TMPRSS11F: variants seen among roughly 807,000 people sequenced by gnomAD.
TMPRSS11F encodes transmembrane serine protease 11F, also known as transmembrane protease serine 11F.
Under a neutral mutation model 60.2 loss-of-function variants are expected in TMPRSS11F, and 47 were observed. That is an observed-to-expected ratio of 0.78 (90% confidence interval 0.62 to 1.00). The LOEUF is 1.00. TMPRSS11F is among the 50% of genes least tolerant of loss of function. TMPRSS11F has a pLI of 0.00. For synonymous variants in TMPRSS11F, 166 were observed against 167.3 expected (o/e 0.99, Z 0.06); for missense variants, 519 against 522.9 (o/e 0.99, Z 0.07).
Position 68,074,067 on chromosome 4 carries a change from AT to A in TMPRSS11F, c.283-59del, listed in dbSNP as rs199843597. The A allele has an allele frequency of 4.9e-3, 5,426 of 1,111,860 alleles. 80 individuals are homozygous for A. Among genetic ancestry groups the A allele is most frequent in the African/African-American group, 0.034 (2,083 of 61,898 alleles). The allele number at this position is 1,111,860 out of a possible 1,614,324, so 68.9% of individuals were successfully genotyped here. On this transcript the variant is annotated intron_variant, in intron 3 of 9. Transcript: ENST00000356291. ...AACTTAAAAGTAAAATAAAAAAATA[AT>A]TTTTTAAAAGAAGTATTAGTCTTAA...
intron 1 of TMPRSS11F, among the ~76,000 whole-genome samples, chr4:68,117,323 T>C (rs1460016396): frequency 1.3e-5 from 2 of 151,090 alleles, no homozygotes; most frequent in Admixed American, 1.3e-4. Flanking sequence ...GAAAATTAGC[T>C]GGGTGAGGTG....
intron 9 of TMPRSS11F, among the ~76,000 whole-genome samples, chr4:68,056,477 C>A (rs1723049126): frequency 6.9e-6 from 1 of 145,074 alleles, no homozygotes; most frequent in African/African-American, 2.5e-5. Context: ...GTAAATTTAA[C>A]TGAAGAGGTG....
intron 1 of TMPRSS11F, 130 bp downstream of exon 1, chr4:68,129,680 T>C (rs1292024316): frequency 2.6e-6 from 2 of 762,928 alleles, no homozygotes; most frequent in Non-Finnish European, 4.0e-6. Flanking sequence ...TAATATAAAA[T>C]ACAATAACAC....
rs1381386527 is a variant in TMPRSS11F, at chr4:68,059,331, A to C, written c.1153T>G (p.Cys385Gly). Residue 385 changes from cysteine to glycine, a missense_variant, in exon 9 of 10, where the codon TGT (cysteine) becomes GGT (glycine). Cys to Gly is a radical substitution (Grantham distance 159). Coordinates refer to ENST00000356291, the MANE Select transcript of TMPRSS11F (RefSeq NM_207407.2). ...GGCCTTGACTTTAAACTTACCTTAC[A>C]TGCATCTATTTTTCCTTCCATGAAT... ...AGFMEGKIDA[C>G]KGDSGGPLVY... The C allele has an allele frequency of 6.2e-7, 1 of 1,613,412 alleles. No individual in the cohort carries two copies. The highest frequency in any genetic ancestry group is 8.5e-7 in the Non-Finnish European group (1 of 1,179,828).
At chr4:68,120,232 T>G (rs929158232) in intron 1 of TMPRSS11F, among the ~76,000 whole-genome samples, 1 of 152,106 alleles carries the variant, frequency 6.6e-6, no homozygotes, top group Non-Finnish European at 1.5e-5. Context: ...TCAACACTGT[T>G]GATATGAAAA....
At chr4:68,107,134 G>T (rs570710375) in intron 1 of TMPRSS11F, among the ~76,000 whole-genome samples, 1 of 152,238 alleles carries the variant, frequency 6.6e-6, no homozygotes, top group South Asian at 2.1e-4. Context: ...AGACTTTATA[G>T]TTACTATGAC....
chr4:68,122,252 C>T (rs1724637681), intron 1 of TMPRSS11F, among the ~76,000 whole-genome samples: 1 of 152,006 alleles, frequency 6.6e-6, no homozygotes, highest in African/African-American at 2.4e-5. Flanking sequence ...TGTAAAAATA[C>T]CTAAAATTCT....
intron 3 of TMPRSS11F, among the ~76,000 whole-genome samples, chr4:68,081,784 C>T (rs1723699785): frequency 6.6e-6 from 1 of 152,092 alleles, no homozygotes; most frequent in African/African-American, 2.4e-5. Flanking sequence ...AACTCTACCA[C>T]ACGTATGGCT....
chr4:68,060,788 C>T (rs1430713655), intron 8 of TMPRSS11F, among the ~76,000 whole-genome samples: 1 of 151,692 alleles, frequency 6.6e-6, no homozygotes, highest in Non-Finnish European at 1.5e-5. Context: ...ATGCATAGAG[C>T]TGCTTTTTTT....
chr4:68,123,167 T>C (rs902570502), intron 1 of TMPRSS11F, among the ~76,000 whole-genome samples: 1 of 152,218 alleles, frequency 6.6e-6, no homozygotes, highest in Non-Finnish European at 1.5e-5. Flanking sequence ...AGGAGAAATA[T>C]GGTAGCTAAG....
At chr4:68,094,294 C>T (rs1248272608) in intron 2 of TMPRSS11F, among the ~76,000 whole-genome samples, 1 of 124,666 alleles carries the variant, frequency 8.0e-6, no homozygotes, top group Non-Finnish European at 1.7e-5. Flanking sequence ...TAAACTATCG[C>T]AAGAACAGAA....
intron 3 of TMPRSS11F, among the ~76,000 whole-genome samples, chr4:68,079,756 G>A (rs933452920): frequency 6.6e-6 from 1 of 152,058 alleles, no homozygotes; most frequent in African/African-American, 2.4e-5. Context: ...TGGTAAAATG[G>A]GGGAAAAAAC....
intron 9 of TMPRSS11F, among the ~76,000 whole-genome samples, chr4:68,055,851 A>T (rs985308874): frequency 3.3e-5 from 5 of 152,206 alleles, no homozygotes; most frequent in African/African-American, 1.2e-4. Flanking sequence ...ATCATTCATC[A>T]TTATCAAGTG....
chr4:68,122,805 C>T (rs1220483340), intron 1 of TMPRSS11F, among the ~76,000 whole-genome samples: 1 of 152,158 alleles, frequency 6.6e-6, no homozygotes, highest in Non-Finnish European at 1.5e-5. Context: ...GACATATGCA[C>T]ATTAATGCTG....
intron 1 of TMPRSS11F, among the ~76,000 whole-genome samples, chr4:68,126,925 T>C (rs963359009): frequency 6.6e-6 from 1 of 152,194 alleles, no homozygotes; most frequent in African/African-American, 2.4e-5. Context: ...ACATCCATTG[T>C]AGGCAGACGA....
chr4:68,124,482 C>A (rs1724678577), intron 1 of TMPRSS11F, among the ~76,000 whole-genome samples: 1 of 152,134 alleles, frequency 6.6e-6, no homozygotes, highest in Non-Finnish European at 1.5e-5. Flanking sequence ...CAGAGCAAAA[C>A]CCGGGCGACC....
chr4:68,117,261 A>G (rs1007014113), intron 1 of TMPRSS11F, among the ~76,000 whole-genome samples: 13 of 151,890 alleles, frequency 8.6e-5, no homozygotes, highest in Admixed American at 8.5e-4. Flanking sequence ...AGGTCAGGAG[A>G]TCGAGACCAT....
intron 1 of TMPRSS11F, among the ~76,000 whole-genome samples, chr4:68,118,060 C>G (rs1297309897): frequency 1.3e-5 from 2 of 152,100 alleles, no homozygotes; most frequent in Admixed American, 6.5e-5. Context: ...GAGAAACTAA[C>G]CTGAGGACAA....
chr4:68,056,700 T>C (rs977533378), intron 9 of TMPRSS11F, among the ~76,000 whole-genome samples: 6 of 144,150 alleles, frequency 4.2e-5, no homozygotes, highest in Non-Finnish European at 9.2e-5. Flanking sequence ...TAAATCCATA[T>C]AGAAGCAAAA....
Sources: gnomAD v4.1 joint callset for allele counts (sites outside exome capture counted in the v4.1 genomes callset) on GRCh38, gnomAD v4.1.1 for gene constraint, MANE v1.5 for transcripts, NCBI Gene and HGNC (gene_info 2026-07-23, HGNC 2026-07-21) for gene names.